Variants in CADPS observed in about 807,000 individuals in gnomAD.
The protein encoded by CADPS is calcium-dependent secretion activator 1.
In CADPS, 57 loss-of-function variants were observed where a neutral mutation model predicts 167.3. The observed-to-expected ratio is 0.34, with a 90% CI of 0.28 to 0.42. The LOEUF is 0.42. Among genes scored for constraint, CADPS ranks in the 20% least tolerant of loss-of-function variants. The pLI is 1.00. For synonymous variants in CADPS, 676 were observed against 635.3 expected (o/e 1.06, Z -0.96); for missense variants, 1,414 against 1,738.1 (o/e 0.81, Z 3.32).
At chr3:62,413,029 T>C (rs1278886055) in intron 28 of CADPS, among the ~76,000 whole-genome samples, 7 of 152,170 alleles carry the variant, frequency 4.6e-5, no homozygotes, top group African/African-American at 1.7e-4. Context: ...AGAAAGGCTA[T>C]CTTTCCTAAT....
At chr3:62,596,944 A>T (rs1435052721) in intron 6 of CADPS, among the ~76,000 whole-genome samples, 1 of 152,214 alleles carries the variant, frequency 6.6e-6, no homozygotes, top group Non-Finnish European at 1.5e-5. Flanking sequence ...CCAAAATCTC[A>T]TTTTAAAGCT....
At chr3:62,619,274 A>C (rs558638265) in intron 6 of CADPS, among the ~76,000 whole-genome samples, 1 of 152,208 alleles carries the variant, frequency 6.6e-6, no homozygotes, top group Non-Finnish European at 1.5e-5. Context: ...GTCTTAGTTC[A>C]GTGCTTCTAA....
intron 8 of CADPS, among the ~76,000 whole-genome samples, chr3:62,580,525 T>C (rs865990368): frequency 6.6e-6 from 1 of 151,326 alleles, no homozygotes; most frequent in South Asian, 2.1e-4. Flanking sequence ...GCATGGCACA[T>C]GTATACATAT....
rs577954516 is a variant in CADPS, at chr3:62,742,537, A to G, written c.888+10904T>C. ...AAGAAGCAATGGCAAAGGATTCCCT[A>G]TTCAACAAATGGTGCTGGGATAACT... On this transcript the variant is annotated intron_variant, in intron 3 of 29. Transcript: ENST00000383710. Among the ~76,000 whole-genome samples, 5 of 152,332 alleles carry G rather than the reference A, an allele frequency of 3.3e-5. No individual in the cohort carries two copies. In the East Asian group the frequency reaches 5.8e-4, roughly 18 times the overall value.
chr3:62,496,674 G>T (rs1416589312), intron 18 of CADPS, among the ~76,000 whole-genome samples: 2 of 152,190 alleles, frequency 1.3e-5, no homozygotes, highest in Admixed American at 6.5e-5. Flanking sequence ...CAGGATGAGA[G>T]AAGTTATACT....
At chr3:62,417,777 G>T (rs2050436607) in intron 28 of CADPS, among the ~76,000 whole-genome samples, 1 of 151,978 alleles carries the variant, frequency 6.6e-6, no homozygotes, top group Non-Finnish European at 1.5e-5. Context: ...AGGCTGAGGT[G>T]AGCTATGATT....
At chr3:62,610,832 C>T (rs1016103434) in intron 6 of CADPS, among the ~76,000 whole-genome samples, 2 of 151,308 alleles carry the variant, frequency 1.3e-5, no homozygotes, top group African/African-American at 4.9e-5. Flanking sequence ...CACACTTAGC[C>T]GACCTTAGGC....
At chr3:62,599,829 T>TA (rs2059630415) in intron 6 of CADPS, among the ~76,000 whole-genome samples, 1 of 5,320 alleles carries the variant, frequency 1.9e-4, no homozygotes, top group Admixed American at 6.1e-3. Flanking sequence ...ATATATTATA[T>TA]ATATAATATA....
intron 3 of CADPS, among the ~76,000 whole-genome samples, chr3:62,738,296 A>T (rs1371649327): frequency 6.6e-6 from 1 of 152,198 alleles, no homozygotes; most frequent in Non-Finnish European, 1.5e-5. Context: ...TCAGAGAGAA[A>T]ATATGTTCTT....
In CADPS at chr3:62,557,516, G is replaced by A. The variant is rs1197237290; in HGVS notation, c.1645-3C>T. The A allele has an allele frequency of 2.5e-6, 4 of 1,611,062 alleles. No individual in the cohort carries two copies. Among genetic ancestry groups the A allele is most frequent in the Admixed American group, 1.7e-5 (1 of 60,006 alleles). On this transcript the variant is annotated splice_region_variant and splice_polypyrimidine_tract_variant and intron_variant, in intron 9 of 29. Coordinates refer to ENST00000383710, the MANE Select transcript of CADPS (RefSeq NM_003716.4). Reference sequence around the variant, plus strand: ...ATGGCAAACGTGTACTGACTGACCTGTTAAGGAAAAGCAGATTGTGAGGTT... The same window carrying A: ...ATGGCAAACGTGTACTGACTGACCTATTAAGGAAAAGCAGATTGTGAGGTT...
At chr3:62,788,707 GTTGAC>G (rs1250494638) in intron 1 of CADPS, among the ~76,000 whole-genome samples, 3 of 152,156 alleles carry the variant, frequency 2.0e-5, no homozygotes, top group African/African-American at 7.2e-5. Flanking sequence ...TTTTCAATCA[GTTGAC>G]TTCTGTTTGA....
chr3:62,445,400 G>A (rs1203869626), intron 27 of CADPS, among the ~76,000 whole-genome samples: 2 of 152,074 alleles, frequency 1.3e-5, no homozygotes, highest in African/African-American at 4.8e-5. Flanking sequence ...TATCACCCTT[G>A]TGCAAGTTTC....
At chr3:62,559,242 T>C (rs2078719596) in intron 9 of CADPS, among the ~76,000 whole-genome samples, 1 of 152,198 alleles carries the variant, frequency 6.6e-6, no homozygotes, top group African/African-American at 2.4e-5. Context: ...TAGGGAGTCA[T>C]ATGTCTTGAT....
intron 7 of CADPS, among the ~76,000 whole-genome samples, chr3:62,585,791 A>T (rs529272780): frequency 1.3e-5 from 2 of 152,376 alleles, no homozygotes; most frequent in East Asian, 1.9e-4. Flanking sequence ...GAACCTTATT[A>T]GATGGATGAG....
At chr3:62,510,342 A>C (rs1226229885) in intron 17 of CADPS, among the ~76,000 whole-genome samples, 1 of 152,114 alleles carries the variant, frequency 6.6e-6, no homozygotes, top group Non-Finnish European at 1.5e-5. Flanking sequence ...TTTTATTTCA[A>C]ATTCCAGTGG....
At chr3:62,722,344 G>A (rs532895511) in intron 3 of CADPS, among the ~76,000 whole-genome samples, 2 of 152,322 alleles carry the variant, frequency 1.3e-5, no homozygotes, top group African/African-American at 4.8e-5. Flanking sequence ...ACAGGATCCC[G>A]GAAGGGAGCC....
At position 62,713,282 on chromosome 3, in the gene CADPS, T is replaced by G. The variant is rs2083765970; in HGVS notation, c.888+40159A>C. Among the ~76,000 whole-genome samples the G allele has an allele frequency of 2.0e-5, 3 of 152,258 alleles. No homozygotes were observed. The South Asian group carries it at 6.2e-4, about 32-fold the overall frequency. ...CATTTCTTTCAGGGGGATGACCTCT[T>G]CCTCACTGTATTTATTTGTGTCGGT... is the stretch of plus-strand genomic sequence containing the variant. On this transcript the variant is annotated intron_variant, in intron 3 of 29. Transcript: ENST00000383710.
chr3:62,415,468 G>T (rs543206202), intron 28 of CADPS, among the ~76,000 whole-genome samples: 1 of 152,142 alleles, frequency 6.6e-6, no homozygotes, highest in African/African-American at 2.4e-5. Flanking sequence ...GCAGAAGCCA[G>T]ATGTAGCCCC....
At chr3:62,688,233 C>T (rs1464030018) in intron 3 of CADPS, among the ~76,000 whole-genome samples, 1 of 67,620 alleles carries the variant, frequency 1.5e-5, no homozygotes, top group African/African-American at 4.5e-5. Context: ...AGCTTTCTTT[C>T]CCCTGTCATG....
Sources: allele counts gnomAD v4.1 joint callset (sites outside exome capture counted in the v4.1 genomes callset), GRCh38; gene constraint gnomAD v4.1.1; transcripts MANE v1.5; gene names NCBI Gene and HGNC (gene_info 2026-07-23, HGNC 2026-07-21).